The following SLC30A6 variants were observed in gnomAD, a reference collection of about 807,000 sequenced individuals.
SLC30A6 encodes solute carrier family 30 member 6.
A neutral mutation model predicts 63.0 loss-of-function variants in SLC30A6; 55 were observed. That is an observed-to-expected ratio of 0.87 (90% CI 0.70 to 1.09). SLC30A6 has a LOEUF of 1.09. Among genes scored for constraint, SLC30A6 ranks in the 50% least tolerant of loss-of-function variants. The pLI, the probability that SLC30A6 is intolerant of heterozygous loss-of-function variation, is 0.00. For missense variants in SLC30A6, 587 were observed against 549.2 expected, an observed-to-expected ratio of 1.07 and a Z score of -0.69; for synonymous variants, 224 against 186.1, an observed-to-expected ratio of 1.20 and a Z score of -1.66.
At chr2:32,188,811 C>A (rs935811003) in intron 5 of SLC30A6, among the ~76,000 whole-genome samples, 1 of 152,174 alleles carries the variant, frequency 6.6e-6, no homozygotes, top group African/African-American at 2.4e-5. Flanking sequence ...TGATATAGAA[C>A]ATTACAAGTC....
chr2:32,177,245 A>G (rs1243387420), intron 4 of SLC30A6, among the ~76,000 whole-genome samples: 2 of 152,126 alleles, frequency 1.3e-5, no homozygotes, highest in African/African-American at 2.4e-5. Context: ...GAATCATACA[A>G]TATACAGTCC....
chr2:32,209,369 A>T, intron 12 of SLC30A6, 124 bp from the exon 13 acceptor site: 1 of 675,246 alleles, frequency 1.5e-6, no homozygotes, highest in Non-Finnish European at 2.5e-6. Flanking sequence ...CTCTTAGCTA[A>T]TGAGTGTCCT....
intron 10 of SLC30A6, chr2:32,202,759 C>T (rs1558411303): frequency 1.4e-6 from 1 of 710,728 alleles, no homozygotes; most frequent in East Asian, 2.5e-5. Flanking sequence ...GAAGACAGTC[C>T]TCAGACTTTA....
intron 5 of SLC30A6, chr2:32,187,112 A>C: frequency 2.1e-6 from 1 of 468,692 alleles, no homozygotes; most frequent in Non-Finnish European, 4.4e-6. Context: ...TGGCGCAGGC[A>C]CTAGACCACT....
chr2:32,168,280 G>A (rs1249290303), intron 1 of SLC30A6, among the ~76,000 whole-genome samples: 1 of 151,670 alleles, frequency 6.6e-6, no homozygotes, highest in East Asian at 1.9e-4. Flanking sequence ...CTTTATGCTT[G>A]AAACATCAGT....
chr2:32,201,884 C>G, intron 10 of SLC30A6: 1 of 1,449,200 alleles, frequency 6.9e-7, no homozygotes, highest in Non-Finnish European at 9.5e-7. Context: ...TACCTGGATG[C>G]TCCCAAGACC....
intron 4 of SLC30A6, among the ~76,000 whole-genome samples, chr2:32,180,629 C>T (rs370345566): frequency 2.0e-5 from 3 of 152,000 alleles, no homozygotes; most frequent in Non-Finnish European, 4.4e-5. Context: ...GATGGGGTTT[C>T]ACCATGTTGG....
intron 5 of SLC30A6, among the ~76,000 whole-genome samples, chr2:32,189,266 A>G (rs1392276643): frequency 6.7e-6 from 1 of 149,316 alleles, no homozygotes; most frequent in African/African-American, 2.5e-5. Context: ...TGTCCTTGAC[A>G]ACAGTTGATA....
At position 32,171,225 on chromosome 2, in the gene SLC30A6, TC is replaced by T; in HGVS notation, c.4-61del. The T allele has an allele frequency of 2.2e-6, 3 of 1,372,328 alleles. 1 individual carries two copies. The highest frequency in any genetic ancestry group is 3.1e-6 in the Non-Finnish European group (3 of 964,492). The allele number at this position is 1,372,328 out of a possible 1,614,324, so 85.0% of individuals were successfully genotyped here. A position where few individuals can be genotyped will look rare whatever the true frequency, so the allele number is the denominator to read the frequency against. On this transcript the variant is annotated intron_variant, in intron 1 of 13. Coordinates refer to ENST00000282587, the MANE Select transcript of SLC30A6 (RefSeq NM_017964.5). ...ATATCATAGGAACCACTATATCATA[TC>T]ATAGGAACTCTGAAGATGATTAAAT...
At chr2:32,188,302 A>G (rs1353597943) in intron 5 of SLC30A6, among the ~76,000 whole-genome samples, 1 of 152,230 alleles carries the variant, frequency 6.6e-6, no homozygotes, top group Non-Finnish European at 1.5e-5. Flanking sequence ...AATCAAAAAT[A>G]GTCATCTGGT....
At position 32,221,377 on chromosome 2, in the gene SLC30A6, G is replaced by T. The variant is rs932353609; in HGVS notation, c.*664G>T. On this transcript the variant is annotated 3_prime_UTR_variant, in exon 14 of 14. Coordinates refer to ENST00000282587, the MANE Select transcript of SLC30A6 (RefSeq NM_017964.5). Reference sequence around the variant, plus strand: ...GGATTTCACCATGTTGGCCAGGCTGGTCTTGAACTCCTGACCTCATGATCC... The same window carrying T: ...GGATTTCACCATGTTGGCCAGGCTGTTCTTGAACTCCTGACCTCATGATCC... The T allele has an allele frequency of 1.3e-5, 2 of 152,802 alleles. No individual in the cohort carries two copies. The highest frequency in any genetic ancestry group is 4.8e-5 in the African/African-American group (2 of 41,418). The allele number at this position is 152,802 out of a possible 1,614,324, so 9.5% of individuals were successfully genotyped here. A position where few individuals can be genotyped will look rare whatever the true frequency, so the allele number is the denominator to read the frequency against.
Position 32,209,304 on chromosome 2 carries a change from G to C in SLC30A6, c.817-189G>C, listed in dbSNP as rs1458870396. ...GGCAAGCAAGAAACGAGGAAAGCAA[G>C]GTCTTGGGTCAGTATGGAACAAACA... On this transcript the variant is annotated intron_variant, in intron 12 of 13. Coordinates refer to ENST00000282587, the MANE Select transcript of SLC30A6 (RefSeq NM_017964.5). 3.3e-5 allele frequency among the ~76,000 whole-genome samples: 5 copies of C among 152,342 alleles called. No individual in the cohort carries two copies. In the East Asian group the frequency reaches 9.6e-4, roughly 29 times the overall value.
At chr2:32,217,399 G>A (rs1685802961) in intron 13 of SLC30A6, among the ~76,000 whole-genome samples, 1 of 151,904 alleles carries the variant, frequency 6.6e-6, no homozygotes, top group Admixed American at 6.6e-5. Context: ...TTTATTTCTG[G>A]GTTCTTTATT....
chr2:32,218,286 A>C (rs555750060), intron 13 of SLC30A6, among the ~76,000 whole-genome samples: 25 of 152,236 alleles, frequency 1.6e-4, no homozygotes, highest in African/African-American at 6.0e-4. Flanking sequence ...AAACCAAAAA[A>C]ACCCATAATT....
chr2:32,173,242 A>C (rs939593016), intron 2 of SLC30A6, among the ~76,000 whole-genome samples: 4 of 152,206 alleles, frequency 2.6e-5, no homozygotes, highest in Non-Finnish European at 5.9e-5. Flanking sequence ...AACACATACC[A>C]GTTAGGTACT....
At chr2:32,203,389 C>T in intron 10 of SLC30A6, 3 of 1,108,196 alleles carry the variant, frequency 2.7e-6, no homozygotes, top group South Asian at 2.5e-5. Context: ...GCACGGATGC[C>T]ATAAGGTCTC....
At chr2:32,202,975 C>T in intron 10 of SLC30A6, 1 of 1,137,888 alleles carries the variant, frequency 8.8e-7, no homozygotes, top group South Asian at 1.2e-5. Flanking sequence ...GAAGGGACGG[C>T]TATTATTTTC....
intron 13 of SLC30A6, among the ~76,000 whole-genome samples, chr2:32,213,104 G>T (rs933383256): frequency 2.6e-5 from 4 of 151,182 alleles, no homozygotes; most frequent in African/African-American, 4.9e-5. Context: ...AGACAGTCTT[G>T]CTGTGTTGCC....
chr2:32,179,922 A>G (rs570615242), intron 4 of SLC30A6, among the ~76,000 whole-genome samples: 194 of 152,326 alleles, frequency 1.3e-3, no homozygotes, highest in Middle Eastern at 6.8e-3. Context: ...AATTTTATTT[A>G]TATAAATAAA....
Sources: allele counts gnomAD v4.1 joint callset (sites outside exome capture counted in the v4.1 genomes callset), GRCh38; gene constraint gnomAD v4.1.1; transcripts MANE v1.5; gene names NCBI Gene and HGNC (gene_info 2026-07-23, HGNC 2026-07-21).